CADPS: variants seen among roughly 807,000 people sequenced by gnomAD.
CADPS encodes the protein calcium dependent secretion activator, also known as calcium-dependent secretion activator 1.
In CADPS, 57 loss-of-function variants were observed where a neutral mutation model predicts 167.3. That is an observed-to-expected ratio of 0.34 (90% CI 0.28 to 0.42). The LOEUF (loss-of-function observed/expected upper bound fraction) is 0.42. CADPS is among the 20% of genes least tolerant of loss of function. The pLI, the probability that CADPS is intolerant of heterozygous loss-of-function variation, is 1.00. For missense variants in CADPS, 1,414 were observed against 1,738.1 expected (o/e 0.81, Z 3.32); for synonymous variants, 676 against 635.3 (o/e 1.06, Z -0.96).
chr3:62,550,029 G>T lies in CADPS; in HGVS notation c.1840C>A (p.Leu614Met). The change falls in exon 11 of 30, where the codon CTG becomes ATG. Residue 614 changes from leucine to methionine, a missense_variant. Leu to Met is a conservative substitution (Grantham distance 15). Around this residue, in one of 6 missense-constraint regions of CADPS, gnomAD observed 529 missense variants for 629.6 expected, o/e 0.84. Coordinates refer to ENST00000383710, the MANE Select transcript of CADPS (RefSeq NM_003716.4). Reference protein sequence around the residue: ...FASDDEQDRILWVQAMYRATG... With the variant: ...FASDDEQDRIMWVQAMYRATG... Reference sequence around the variant, plus strand: ...GCCCGATACATGGCCTGGACCCACAGGATGCGGTCTTGTTCATCGTCACTG... The same window carrying T: ...GCCCGATACATGGCCTGGACCCACATGATGCGGTCTTGTTCATCGTCACTG... 1.2e-6 allele frequency: 2 copies of T among 1,614,112 alleles called. No individual in the cohort carries two copies. Among genetic ancestry groups the T allele is most frequent in the Non-Finnish European group, 1.7e-6 (2 of 1,179,986 alleles).
intron 28 of CADPS, among the ~76,000 whole-genome samples, chr3:62,405,775 C>G (rs1708267116): frequency 6.6e-6 from 1 of 152,108 alleles, no homozygotes; most frequent in African/African-American, 2.4e-5. Flanking sequence ...TTTAAAGAGG[C>G]AAAAGGGAGT....
chr3:62,822,241 G>T (rs1212700913), intron 1 of CADPS, among the ~76,000 whole-genome samples: 2 of 152,106 alleles, frequency 1.3e-5, no homozygotes, highest in African/African-American at 2.4e-5. Context: ...ATTATTTAAG[G>T]GCAAGTGTCA....
chr3:62,482,144 G>A (rs1417360207), intron 21 of CADPS, among the ~76,000 whole-genome samples: 2 of 152,164 alleles, frequency 1.3e-5, no homozygotes, highest in Admixed American at 6.5e-5. Flanking sequence ...GGGGCCTTTG[G>A]TTTCCATATC....
intron 6 of CADPS, among the ~76,000 whole-genome samples, chr3:62,609,632 G>C (rs1365202137): frequency 1.3e-5 from 2 of 152,106 alleles, no homozygotes; most frequent in Admixed American, 1.3e-4. Context: ...TGTACAATAG[G>C]AATAAGCAAA....
At chr3:62,694,251 T>C (rs550034260) in intron 3 of CADPS, among the ~76,000 whole-genome samples, 3 of 152,224 alleles carry the variant, frequency 2.0e-5, no homozygotes, top group Admixed American at 1.3e-4. Context: ...TCAAAGTCCA[T>C]TGGATCAGGT....
intron 10 of CADPS, among the ~76,000 whole-genome samples, chr3:62,556,361 A>C (rs990467584): frequency 1.3e-5 from 2 of 152,212 alleles, no homozygotes; most frequent in Admixed American, 1.3e-4. Context: ...GAGATTCTGC[A>C]GGTGCTAATT....
intron 1 of CADPS, among the ~76,000 whole-genome samples, chr3:62,850,705 A>G (rs2078379196): frequency 6.6e-6 from 1 of 151,886 alleles, no homozygotes; most frequent in East Asian, 1.9e-4. Context: ...TATGTGGTCA[A>G]TTTTGGAATA....
chr3:62,726,662 A>G (rs2076802964), intron 3 of CADPS, among the ~76,000 whole-genome samples: 1 of 151,966 alleles, frequency 6.6e-6, no homozygotes, highest in East Asian at 1.9e-4. Context: ...TGAGTGACCC[A>G]TTAAGTGTAT....
At chr3:62,413,255 A>T (rs2049321495) in intron 28 of CADPS, among the ~76,000 whole-genome samples, 1 of 152,202 alleles carries the variant, frequency 6.6e-6, no homozygotes, top group African/African-American at 2.4e-5. Flanking sequence ...ATACTTACTC[A>T]AAAGTGGAAC....
chr3:62,769,979 T>G (rs561752896), intron 1 of CADPS, among the ~76,000 whole-genome samples: 1 of 151,820 alleles, frequency 6.6e-6, no homozygotes, highest in Admixed American at 6.6e-5. Flanking sequence ...TGGCCTGGCA[T>G]AAAAGAGCCA....
At chr3:62,758,279 G>C (rs1247079643) in intron 2 of CADPS, among the ~76,000 whole-genome samples, 1 of 152,156 alleles carries the variant, frequency 6.6e-6, no homozygotes, top group African/African-American at 2.4e-5. Flanking sequence ...GGATCTATCT[G>C]TCCTGTGTTA....
intron 28 of CADPS, among the ~76,000 whole-genome samples, chr3:62,410,179 T>C (rs768984998): frequency 1.3e-5 from 2 of 152,298 alleles, no homozygotes; most frequent in South Asian, 2.1e-4. Flanking sequence ...AACCATACCA[T>C]GCAGAAACAC....
chr3:62,645,023 C>A (rs577460413), intron 6 of CADPS, among the ~76,000 whole-genome samples: 28 of 152,266 alleles, frequency 1.8e-4, no homozygotes, highest in African/African-American at 6.7e-4. Context: ...ATTGTATTGA[C>A]CCAATGAATT....
chr3:62,804,222 C>T (rs918096710), intron 1 of CADPS, among the ~76,000 whole-genome samples: 15 of 152,098 alleles, frequency 9.9e-5, no homozygotes, highest in East Asian at 5.8e-4. Context: ...AAATACTTGA[C>T]GGATGAATGA....
chr3:62,630,418 G>A (rs533453396), intron 6 of CADPS, among the ~76,000 whole-genome samples: 2 of 152,240 alleles, frequency 1.3e-5, no homozygotes, highest in South Asian at 4.2e-4. Flanking sequence ...TCTGTTCACT[G>A]CAACTCCCAC....
chr3:62,545,307 G>A (rs1201721720), intron 11 of CADPS, among the ~76,000 whole-genome samples: 5 of 152,066 alleles, frequency 3.3e-5, no homozygotes, highest in Non-Finnish European at 7.4e-5. Flanking sequence ...ATAATGGACA[G>A]GGGATAAGGT....
At chr3:62,775,131 A>G (rs2089958036) in intron 1 of CADPS, among the ~76,000 whole-genome samples, 1 of 151,888 alleles carries the variant, frequency 6.6e-6, no homozygotes, top group African/African-American at 2.4e-5. Context: ...TCTGCCTCCC[A>G]GGTTCAAGCG....
At chr3:62,779,527 T>C in intron 1 of CADPS, 1 of 536,730 alleles carries the variant, frequency 1.9e-6, no homozygotes, top group South Asian at 1.4e-5. Context: ...GCCCATCATG[T>C]GGCTGCCCAT....
chr3:62,736,301 C>A (rs769621356), intron 3 of CADPS, among the ~76,000 whole-genome samples: 3 of 152,196 alleles, frequency 2.0e-5, no homozygotes, highest in Non-Finnish European at 4.4e-5. Flanking sequence ...ACTGCACGAC[C>A]TGATACCATT....
Sources: allele counts gnomAD v4.1 joint callset (sites outside exome capture counted in the v4.1 genomes callset), GRCh38; gene constraint gnomAD v4.1.1; regional missense constraint gnomAD v4.1.1; transcripts MANE v1.5; gene names NCBI Gene and HGNC (gene_info 2026-07-23, HGNC 2026-07-21).